The following CPT1A variants were observed in gnomAD, a reference collection of about 807,000 sequenced individuals.
CPT1A encodes the protein carnitine O-palmitoyltransferase 1, liver isoform.
In CPT1A, 64 loss-of-function variants were observed where a neutral mutation model predicts 100.8. The ratio of observed to expected loss-of-function variants is 0.63; its 90% CI spans 0.52 to 0.78. The LOEUF is 0.78. CPT1A is among the 30% of genes least tolerant of loss of function. The pLI, the probability that CPT1A is intolerant of heterozygous loss-of-function variation, is 0.00. For synonymous variants in CPT1A, 363 were observed against 396.0 expected, an observed-to-expected ratio of 0.92 and a Z score of 0.99; for missense variants, 802 against 1,034.1, an observed-to-expected ratio of 0.78 and a Z score of 3.08.
chr11:68,836,775 AAAGAAAAGAAAAGAAAAT>A (rs901301525), intron 1 of CPT1A, among the ~76,000 whole-genome samples: 1 of 148,960 alleles, frequency 6.7e-6, no homozygotes, highest in Non-Finnish European at 1.5e-5. Flanking sequence ...TCCTCAAAAG[AAAGAAAAGAAAAGAAAAT>A]AAGAAAAGAA....
At chr11:68,764,838 G>A (rs555932533) in intron 14 of CPT1A, among the ~76,000 whole-genome samples, 14 of 152,392 alleles carry the variant, frequency 9.2e-5, no homozygotes, top group African/African-American at 2.9e-4. Context: ...GAAGCGTCTA[G>A]AGACCGTGGG....
chr11:68,839,772 C>T (rs187144462), intron 1 of CPT1A: 192 of 954,392 alleles, frequency 2.0e-4, no homozygotes, highest in Non-Finnish European at 2.3e-4. Context: ...AGGGCAGGCC[C>T]TCGTTCCAGG....
At chr11:68,826,550 C>T (rs545978709) in intron 1 of CPT1A, among the ~76,000 whole-genome samples, 30 of 151,424 alleles carry the variant, frequency 2.0e-4, no homozygotes, top group African/African-American at 5.1e-4. Context: ...GTCGCTAACA[C>T]GGTGAAACCC....
intron 4 of CPT1A, 147 bp from the exon 5 acceptor site, chr11:68,804,248 A>G: frequency 1.4e-6 from 1 of 697,498 alleles, no homozygotes; most frequent in Non-Finnish European, 2.6e-6. Flanking sequence ...GCTATGTTAA[A>G]GATCCGAAGC....
chr11:68,836,230 C>T (rs1467942424), intron 1 of CPT1A, among the ~76,000 whole-genome samples: 2 of 152,188 alleles, frequency 1.3e-5, no homozygotes, highest in Non-Finnish European at 1.5e-5. Context: ...AATCCCAACG[C>T]TTTGCAAGGC....
chr11:68,761,308 G>C (rs1459014743), intron 16 of CPT1A, among the ~76,000 whole-genome samples: 3 of 150,704 alleles, frequency 2.0e-5, no homozygotes, highest in African/African-American at 7.3e-5. Context: ...AAGCTCTCGA[G>C]GTCTTCGGGT....
intron 3 of CPT1A, among the ~76,000 whole-genome samples, chr11:68,807,971 A>G (rs1353640984): frequency 6.6e-6 from 1 of 152,218 alleles, no homozygotes; most frequent in Non-Finnish European, 1.5e-5. Flanking sequence ...TCTTCTGGAA[A>G]AAGATACAGC....
intron 1 of CPT1A, among the ~76,000 whole-genome samples, chr11:68,832,327 G>A (rs968556054): frequency 5.9e-5 from 9 of 152,176 alleles, no homozygotes; most frequent in Non-Finnish European, 1.2e-4. Flanking sequence ...GCATGCACCC[G>A]TAGTCCCAGA....
At chr11:68,804,274 C>A (rs1293172137) in intron 4 of CPT1A, among the ~76,000 whole-genome samples, 173 bp from the exon 5 acceptor site, 1 of 152,198 alleles carries the variant, frequency 6.6e-6, no homozygotes, top group African/African-American at 2.4e-5. Flanking sequence ...TTCCCGTGCG[C>A]ACAATGTGCC....
chr11:68,787,988 G>A (rs1855511761), intron 9 of CPT1A, among the ~76,000 whole-genome samples: 1 of 151,604 alleles, frequency 6.6e-6, no homozygotes, highest in South Asian at 2.1e-4. Flanking sequence ...ACGCACAGAG[G>A]GATGACCACG....
chr11:68,820,053 AG>A (rs1856537319), intron 1 of CPT1A, among the ~76,000 whole-genome samples: 1 of 151,114 alleles, frequency 6.6e-6, no homozygotes, highest in African/African-American at 2.5e-5. Context: ...TGTTTGAGAC[AG>A]GGTCTCGCTG....
At chr11:68,769,937 T>C (rs1281797204) in intron 14 of CPT1A, among the ~76,000 whole-genome samples, 2 of 151,958 alleles carry the variant, frequency 1.3e-5, no homozygotes. Flanking sequence ...TAGTTTCAGC[T>C]ACTCGAGGGG....
At chr11:68,786,352 T>C (rs1855462402) in intron 9 of CPT1A, among the ~76,000 whole-genome samples, 1 of 151,906 alleles carries the variant, frequency 6.6e-6, no homozygotes, top group Non-Finnish European at 1.5e-5. Flanking sequence ...CAGAGCAAGA[T>C]CCTATCTCAA....
At chr11:68,782,364 A>C (rs1566355895) in intron 10 of CPT1A, among the ~76,000 whole-genome samples, 1 of 152,132 alleles carries the variant, frequency 6.6e-6, no homozygotes, top group Non-Finnish European at 1.5e-5. Context: ...TGCGTCCCTC[A>C]TGCCAGGCTC....
At chr11:68,759,062 A>G (rs1946749558) in intron 18 of CPT1A, among the ~76,000 whole-genome samples, 1 of 151,962 alleles carries the variant, frequency 6.6e-6, no homozygotes, top group Admixed American at 6.6e-5. Context: ...TGCCTGGGAA[A>G]TGTGGGGAGA....
At chr11:68,807,330 C>T in intron 4 of CPT1A, 137 bp downstream of exon 4, 1 of 856,444 alleles carries the variant, frequency 1.2e-6, no homozygotes, top group East Asian at 2.6e-5. Flanking sequence ...CCTCTCCAGC[C>T]ATTCAAGGTT....
intron 1 of CPT1A, among the ~76,000 whole-genome samples, chr11:68,817,175 T>A (rs1856451347): frequency 6.7e-6 from 1 of 149,442 alleles, no homozygotes; most frequent in Admixed American, 6.7e-5. Context: ...GTGTGGTGTG[T>A]GTGTGTGGGT....
At chr11:68,811,185 G>A (rs1856194619) in intron 3 of CPT1A, among the ~76,000 whole-genome samples, 1 of 152,086 alleles carries the variant, frequency 6.6e-6, no homozygotes, top group Non-Finnish European at 1.5e-5. Context: ...TGCAATTCCT[G>A]GCCCCAAAAC....
At chr11:68,796,354 C>T (rs543382123) in intron 7 of CPT1A, among the ~76,000 whole-genome samples, 6 of 152,026 alleles carry the variant, frequency 3.9e-5, no homozygotes, top group South Asian at 2.1e-4. Context: ...GTCAGGAGTT[C>T]GAGACCAGCC....
Sources: allele counts gnomAD v4.1 joint callset (sites outside exome capture counted in the v4.1 genomes callset), GRCh38; gene constraint gnomAD v4.1.1; transcripts MANE v1.5; gene names NCBI Gene and HGNC (gene_info 2026-07-23, HGNC 2026-07-21).